ADGRB1: variants seen among roughly 807,000 people sequenced by gnomAD.
ADGRB1 encodes brain-specific angiogenesis inhibitor 1.
A neutral mutation model predicts 175.7 loss-of-function variants in ADGRB1; 36 were observed. That is an observed-to-expected ratio of 0.20 (90% CI 0.16 to 0.27). The LOEUF (loss-of-function observed/expected upper bound fraction) is 0.27, where lower values mean the gene tolerates loss of function less well. Among genes scored for constraint, ADGRB1 ranks in the 10% least tolerant of loss-of-function variants. The pLI, the probability that ADGRB1 is intolerant of heterozygous loss-of-function variation, is 1.00. For synonymous variants in ADGRB1, 1,054 were observed against 979.4 expected, an observed-to-expected ratio of 1.08 and a Z score of -1.42; for missense variants, 1,731 against 2,255.3, an observed-to-expected ratio of 0.77 and a Z score of 4.71.
chr8:142,504,205 G>A lies in ADGRB1; in HGVS notation c.2676-6727G>A, dbSNP rs547567317. 3.5e-3 allele frequency among the ~76,000 whole-genome samples: 539 copies of A among 152,306 alleles called. 2 individuals carry two copies. Among genetic ancestry groups the A allele is most frequent in the Middle Eastern group, 6.8e-3 (2 of 294 alleles). Reference sequence around the variant, plus strand: ...CAGGCCTGCCCTGGAGAGCCTCACAGACTGGCAGCCAGACAGGGGCTGGGC... The same window carrying A: ...CAGGCCTGCCCTGGAGAGCCTCACAAACTGGCAGCCAGACAGGGGCTGGGC... On this transcript the variant is annotated intron_variant, in intron 17 of 30. Transcript: ENST00000517894. This position sits in a 1 kb window ranked among gnomAD's most constrained non-coding sequence, Gnocchi z 5.6.
intron 17 of ADGRB1, among the ~76,000 whole-genome samples, chr8:142,502,326 GTGATGGTGA>G (rs1842625929): frequency 6.8e-6 from 1 of 146,792 alleles, no homozygotes; most frequent in African/African-American, 2.5e-5. Flanking sequence ...TGGTGGGGTA[GTGATGGTGA>G]TGGTGGTGGT....
chr8:142,481,880 C>T (rs1266128215), intron 11 of ADGRB1, among the ~76,000 whole-genome samples, 169 bp downstream of exon 11: 1 of 152,208 alleles, frequency 6.6e-6, no homozygotes, highest in Non-Finnish European at 1.5e-5. Flanking sequence ...ACACATTGAG[C>T]CCTGACCCTG....
chr8:142,482,618 C>A (rs1424556735), intron 11 of ADGRB1, among the ~76,000 whole-genome samples: 1 of 148,142 alleles, frequency 6.8e-6, no homozygotes, highest in Non-Finnish European at 1.5e-5. Context: ...TGAACCCTGA[C>A]CCTCGTCACA....
intron 17 of ADGRB1, among the ~76,000 whole-genome samples, chr8:142,494,023 A>G (rs1333745885): frequency 6.6e-6 from 1 of 152,142 alleles, no homozygotes; most frequent in African/African-American, 2.4e-5. Flanking sequence ...GTCGGTGTGC[A>G]CTTGGATGGG....
intron 1 of ADGRB1, among the ~76,000 whole-genome samples, chr8:142,454,477 C>T (rs1839543815): frequency 1.3e-5 from 2 of 152,204 alleles, no homozygotes; most frequent in South Asian, 4.1e-4. Flanking sequence ...GCGATGTGTG[C>T]CTGTCTACAC....
intron 16 of ADGRB1, among the ~76,000 whole-genome samples, 165 bp from the exon 17 acceptor site, chr8:142,490,607 G>A (rs1841935522): frequency 6.6e-6 from 1 of 152,230 alleles, no homozygotes; most frequent in African/African-American, 2.4e-5. Flanking sequence ...GGCCACTGCT[G>A]TCTCCACCCT....
At chr8:142,530,105 G>C (rs1027750298) in intron 24 of ADGRB1, among the ~76,000 whole-genome samples, 1 of 151,990 alleles carries the variant, frequency 6.6e-6, no homozygotes, top group Non-Finnish European at 1.5e-5. Flanking sequence ...TTGATATTTT[G>C]CGTTAGTGTG....
intron 17 of ADGRB1, among the ~76,000 whole-genome samples, chr8:142,500,471 G>A (rs372372741): frequency 6.0e-5 from 9 of 149,124 alleles, no homozygotes; most frequent in African/African-American, 1.8e-4. Context: ...GTCATGCCTC[G>A]TGGGGGCGAG....
chr8:142,514,322 C>A (rs933403447), intron 18 of ADGRB1, among the ~76,000 whole-genome samples: 12 of 152,188 alleles, frequency 7.9e-5, no homozygotes, highest in African/African-American at 2.4e-4. Context: ...GAGTCCTCCT[C>A]TAGAGCTGGC....
chr8:142,492,359 G>A lies in ADGRB1; in HGVS notation c.2675+1544G>A, dbSNP rs1332740129. On this transcript the variant is annotated intron_variant, in intron 17 of 30. Transcript: ENST00000517894. This position sits in a 1 kb window ranked among gnomAD's most constrained non-coding sequence, Gnocchi z 4.4. ...CCTCCTCTCCCCAGTGAGGAGGGATGGGGAACAGGGACAGACGGAGCAGTG... is the reference window on the plus strand; with the variant it reads ...CCTCCTCTCCCCAGTGAGGAGGGATAGGGAACAGGGACAGACGGAGCAGTG... Among the ~76,000 whole-genome samples, 10 of 152,164 alleles carry A rather than the reference G, an allele frequency of 6.6e-5. No homozygotes were observed. Among genetic ancestry groups the A allele is most frequent in the Admixed American group, 6.5e-4 (10 of 15,278 alleles).
intron 17 of ADGRB1, among the ~76,000 whole-genome samples, chr8:142,507,837 C>T (rs759837842): frequency 6.6e-6 from 1 of 152,210 alleles, no homozygotes; most frequent in Non-Finnish European, 1.5e-5. Context: ...ATCAGCTGCA[C>T]AGGGAAAAGC....
Position 142,481,707 on chromosome 8 carries a change from T to G in ADGRB1, c.2126T>G (p.Val709Gly). Residue 709 changes from valine to glycine, a missense_variant, in exon 11 of 31, where the codon GTA (valine) becomes GGA (glycine). Physicochemically the swap from Val to Gly is moderately radical, Grantham distance 109. Around this residue, in one of 8 missense-constraint regions of ADGRB1, gnomAD observed 388 missense variants for 630.9 expected, o/e 0.61. Transcript: ENST00000517894. ...RAYYSPTPGD[V>G]QNFVQILSNL... ...TACTACAGCCCCACCCCTGGGGACG[T>G]ACAGGTGGGCTCCCCGAGCGGCATT... 6.4e-7 allele frequency: 1 copy of G among 1,562,988 alleles called. No individual in the cohort carries two copies. Among genetic ancestry groups the G allele is most frequent in the Non-Finnish European group, 8.7e-7 (1 of 1,149,660 alleles).
chr8:142,540,721 C>T (rs1051830087), intron 27 of ADGRB1, among the ~76,000 whole-genome samples: 3 of 150,976 alleles, frequency 2.0e-5, no homozygotes, highest in African/African-American at 7.3e-5. Context: ...CGGGGTGGGG[C>T]GGCCTTGGGG....
Position 142,477,159 on chromosome 8 carries a change from G to A in ADGRB1, c.1103G>A (p.Ser368Asn). ...EEWSPWSVCS[S>N]TCGEGWQTRT... ...TGGTCCCCGTGGAGCGTGTGCTCCA[G>A]CACCTGCGGCGAGGGCTGGCAGACC... Residue 368 changes from serine (S) to asparagine (N), a missense_variant, in exon 5 of 31, where the codon AGC becomes AAC. Around this residue, in one of 8 missense-constraint regions of ADGRB1, gnomAD observed 178 missense variants for 227.8 expected, o/e 0.78. Coordinates refer to ENST00000517894, the MANE Select transcript of ADGRB1 (RefSeq NM_001702.3). 6.3e-7 allele frequency: 1 copy of A among 1,593,590 alleles called. No individual in the cohort carries two copies. Among genetic ancestry groups the A allele is most frequent in the South Asian group, 1.1e-5 (1 of 90,296 alleles).
chr8:142,488,118 C>T (rs1207695434), intron 13 of ADGRB1, among the ~76,000 whole-genome samples: 1 of 152,322 alleles, frequency 6.6e-6, no homozygotes, highest in African/African-American at 2.4e-5. Flanking sequence ...GGCTCCAATT[C>T]AGCAGGACCA....
At chr8:142,517,998 G>C in intron 18 of ADGRB1, 140 bp from the exon 19 acceptor site, 1 of 673,866 alleles carries the variant, frequency 1.5e-6, no homozygotes, top group East Asian at 2.7e-5. Flanking sequence ...GCAGGGGGCG[G>C]GTGGGGAGGT....
At chr8:142,514,548 T>C (rs1372988868) in intron 18 of ADGRB1, among the ~76,000 whole-genome samples, 1 of 152,116 alleles carries the variant, frequency 6.6e-6, no homozygotes, top group Non-Finnish European at 1.5e-5. Flanking sequence ...AAAAGGACAG[T>C]TGTTGTTGGC....
intron 19 of ADGRB1, 129 bp downstream of exon 19, chr8:142,518,370 C>T (rs1246920410): frequency 2.7e-5 from 26 of 971,812 alleles, no homozygotes; most frequent in African/African-American, 8.1e-5. Flanking sequence ...CAGTCACCTC[C>T]GCATTTGCCA....
chr8:142,464,324 G>C lies in ADGRB1; in HGVS notation c.126G>C (p.Pro42=). 6.7e-7 allele frequency: 1 copy of C among 1,492,674 alleles called. No homozygotes were observed. The highest frequency in any genetic ancestry group is 8.9e-7 in the Non-Finnish European group (1 of 1,127,658). 92.5% of individuals were successfully genotyped at this position (1,492,674 alleles called of 1,614,324 possible). The change falls in exon 2 of 31, where the codon CCG becomes CCC. Residue 42 remains proline, a synonymous_variant. Coordinates refer to ENST00000517894, the MANE Select transcript of ADGRB1 (RefSeq NM_001702.3). ...CAGACGCGGGGCCCGGGCCCGAGCC[G>C]TGCGCCACGCTGGTGCAGGGAAAGT... ...AGADAGPGPE[P]CATLVQGKFF... is the part of the protein sequence containing the mutation.
Sources: allele counts gnomAD v4.1 joint callset (sites outside exome capture counted in the v4.1 genomes callset), GRCh38; gene constraint gnomAD v4.1.1; regional missense constraint gnomAD v4.1.1; non-coding constraint Gnocchi (gnomAD v3.1); transcripts MANE v1.5; gene names NCBI Gene and HGNC (gene_info 2026-07-23, HGNC 2026-07-21).